CFAP77: variants seen among roughly 807,000 people sequenced by gnomAD.
The protein encoded by CFAP77 is cilia- and flagella-associated protein 77.
CFAP77 carries 25 observed loss-of-function variants against 31.1 expected under a neutral mutation model. The observed-to-expected ratio is 0.80, with a 90% CI of 0.59 to 1.12. The LOEUF is 1.12. Among genes scored for constraint, CFAP77 ranks in the 50% most tolerant of loss-of-function variants. The probability of loss-of-function intolerance (pLI) is 0.00; values close to 1 mark genes in which losing one functional copy is unlikely to be tolerated. For synonymous variants in CFAP77, 151 were observed against 159.9 expected (o/e 0.94, Z 0.42); for missense variants, 377 against 397.3 (o/e 0.95, Z 0.44).
chr9:132,426,526 G>T (rs572500485), intron 1 of CFAP77, among the ~76,000 whole-genome samples: 1 of 112,498 alleles, frequency 8.9e-6, no homozygotes, highest in South Asian at 3.1e-4. Context: ...GGAATAAATT[G>T]TTCCTCTTCT....
rs988986638 is a variant in CFAP77 at position 132,498,306 on chromosome 9, G to A, written c.196-389G>A. On this transcript the variant is annotated intron_variant, in intron 1 of 5. Transcript: ENST00000393216. This position sits in a 1 kb window ranked among gnomAD's most constrained non-coding sequence, Gnocchi z 4.2. ...AGGAAAGATGTCTCCTTCCTTCGAC[G>A]GGGCCTCCAGATGAGGCCTCCTGAA... 3.9e-5 allele frequency among the ~76,000 whole-genome samples: 6 copies of A among 152,104 alleles called. No individual in the cohort carries two copies. Among genetic ancestry groups the A allele is most frequent in the African/African-American group, 1.2e-4 (5 of 41,390 alleles).
intron 3 of CFAP77, among the ~76,000 whole-genome samples, chr9:132,535,073 G>A (rs908780414): frequency 2.0e-5 from 3 of 152,206 alleles, no homozygotes; most frequent in African/African-American, 7.2e-5. Context: ...CACTGCTACT[G>A]AGTTGTTGTC....
intron 4 of CFAP77, 41 bp from the exon 5 acceptor site, chr9:132,542,905 G>A (rs370753369): frequency 3.3e-6 from 5 of 1,515,368 alleles, no homozygotes; most frequent in Admixed American, 1.7e-5. Flanking sequence ...TCTCCAAGTA[G>A]CCGGGCAACC....
At chr9:132,414,440 C>T (rs190465127) in intron 1 of CFAP77, among the ~76,000 whole-genome samples, 41 of 151,916 alleles carry the variant, frequency 2.7e-4, no homozygotes, top group African/African-American at 6.3e-4. Flanking sequence ...TGCGAAGAGG[C>T]AGGCAGCTTA....
At chr9:132,537,263 T>C (rs1333250716) in intron 3 of CFAP77, among the ~76,000 whole-genome samples, 1 of 151,062 alleles carries the variant, frequency 6.6e-6, no homozygotes, top group Non-Finnish European at 1.5e-5. Context: ...TGTGAAGGGG[T>C]GGGGAATCAA....
Position 132,572,439 on chromosome 9 carries a change from T to C in CFAP77, c.784T>C (p.Leu262=). The C allele has an allele frequency of 2.5e-6, 4 of 1,612,946 alleles. No individual in the cohort carries two copies. Among genetic ancestry groups the C allele is most frequent in the South Asian group, 1.1e-5 (1 of 91,076 alleles). The change falls in exon 6 of 6, where the codon TTA becomes CTA. Residue 262 remains leucine (L), a synonymous_variant. Coordinates refer to ENST00000393216, the MANE Select transcript of CFAP77 (RefSeq NM_001282957.2). ...CACGGAGGCCGATCGCCAGAGAGCA[T>C]TAAAAGCCCACCGGGAAGAGTGTGC... The part of the protein sequence containing the change: ...FPTEADRQRA[L]KAHREECAVR...
intron 1 of CFAP77, among the ~76,000 whole-genome samples, chr9:132,476,632 C>T (rs1851350828): frequency 6.6e-6 from 1 of 151,936 alleles, no homozygotes. Context: ...TAGGGTGGGC[C>T]CTAAACCCAA....
intron 1 of CFAP77, among the ~76,000 whole-genome samples, chr9:132,475,318 A>T (rs181416482): frequency 4.2e-4 from 64 of 152,362 alleles, no homozygotes; most frequent in Admixed American, 1.2e-3. Flanking sequence ...GGTATCATGC[A>T]TCTTGGGAAA....
chr9:132,418,107 G>A (rs1054949325), intron 1 of CFAP77, among the ~76,000 whole-genome samples: 4 of 152,228 alleles, frequency 2.6e-5, no homozygotes, highest in African/African-American at 9.7e-5. Flanking sequence ...AGGTTGTAAC[G>A]TGGTCGGATT....
intron 1 of CFAP77, among the ~76,000 whole-genome samples, chr9:132,473,864 G>A (rs928972106): frequency 6.6e-6 from 1 of 152,144 alleles, no homozygotes; most frequent in Non-Finnish European, 1.5e-5. Flanking sequence ...TGTATTTTTA[G>A]TAGAGACAGA....
intron 1 of CFAP77, among the ~76,000 whole-genome samples, chr9:132,427,475 T>A (rs1345392039): frequency 6.6e-6 from 1 of 152,012 alleles, no homozygotes; most frequent in Non-Finnish European, 1.5e-5. Flanking sequence ...AAAACAGGTA[T>A]TTTGGCTGGG....
chr9:132,544,027 T>C (rs1339077856), intron 5 of CFAP77, among the ~76,000 whole-genome samples: 1 of 152,144 alleles, frequency 6.6e-6, no homozygotes, highest in Non-Finnish European at 1.5e-5. Context: ...ACAGCTGCAA[T>C]GTTCCTGGGC....
chr9:132,557,482 G>A (rs1852923166), intron 5 of CFAP77, among the ~76,000 whole-genome samples: 1 of 152,228 alleles, frequency 6.6e-6, no homozygotes. Context: ...CAGACTCAAG[G>A]CTGAGGACGG....
intron 1 of CFAP77, among the ~76,000 whole-genome samples, chr9:132,438,409 T>C (rs1390690656): frequency 6.6e-6 from 1 of 151,042 alleles, no homozygotes; most frequent in Non-Finnish European, 1.5e-5. Flanking sequence ...CATTGGTTTC[T>C]ATTGAGTCTC....
At position 132,499,294 on chromosome 9, in the gene CFAP77, C is replaced by A. The variant is rs1851797927; in HGVS notation, c.296-78C>A. The A allele has an allele frequency of 7.6e-7, 1 of 1,320,522 alleles. No homozygotes were observed. Among genetic ancestry groups the A allele is most frequent in the African/African-American group, 1.4e-5 (1 of 69,364 alleles). 81.8% of individuals were successfully genotyped at this position (1,320,522 alleles called of 1,614,324 possible). ...GGAAGGCCGAGGACCCGCGTGCCCCCATTTCTTCTCGATCAGCTGCCTCAG... is the reference window on the plus strand; with the variant it reads ...GGAAGGCCGAGGACCCGCGTGCCCCAATTTCTTCTCGATCAGCTGCCTCAG... On this transcript the variant is annotated intron_variant, in intron 2 of 5. Coordinates refer to ENST00000393216, the MANE Select transcript of CFAP77 (RefSeq NM_001282957.2). The surrounding 1 kb of genome is among the most constrained non-coding windows in gnomAD (Gnocchi z 5.4).
intron 5 of CFAP77, among the ~76,000 whole-genome samples, chr9:132,556,815 C>T (rs1852912585): frequency 6.6e-6 from 1 of 152,226 alleles, no homozygotes; most frequent in African/African-American, 2.4e-5. Flanking sequence ...GAGCCGAGGC[C>T]GCTCCTGGCG....
At chr9:132,420,583 C>T (rs1850197033) in intron 1 of CFAP77, among the ~76,000 whole-genome samples, 1 of 151,704 alleles carries the variant, frequency 6.6e-6, no homozygotes, top group South Asian at 2.1e-4. Context: ...ATTGCTTGAA[C>T]CCAGGAGGTA....
intron 1 of CFAP77, among the ~76,000 whole-genome samples, chr9:132,426,075 C>T (rs763046087): frequency 6.6e-6 from 1 of 152,214 alleles, no homozygotes; most frequent in Non-Finnish European, 1.5e-5. Context: ...CCCGCCTCCC[C>T]GAGCTTCTAA....
At position 132,572,665 on chromosome 9, in the gene CFAP77, A is replaced by G; in HGVS notation, c.*155A>G. The G allele has an allele frequency of 1.3e-6, 1 of 776,184 alleles. No homozygotes were observed. The highest frequency in any genetic ancestry group is 1.9e-5 in the South Asian group (1 of 52,234). 48.1% of individuals were successfully genotyped at this position (776,184 alleles called of 1,614,324 possible). On this transcript the variant is annotated 3_prime_UTR_variant, in exon 6 of 6. Coordinates refer to ENST00000393216, the MANE Select transcript of CFAP77 (RefSeq NM_001282957.2). ...AGTCTTAGGCTAATTGTTTTTGGTA[A>G]AAGTCCCCCCTTTTAGGTTAGCCAA...
Sources: gnomAD v4.1 joint callset for allele counts (sites outside exome capture counted in the v4.1 genomes callset) on GRCh38, gnomAD v4.1.1 for gene constraint, Gnocchi (gnomAD v3.1) non-coding constraint, MANE v1.5 for transcripts, NCBI Gene and HGNC (gene_info 2026-07-23, HGNC 2026-07-21) for gene names.